ZNF705B: variants seen among roughly 807,000 people sequenced by gnomAD.
The protein encoded by ZNF705B is zinc finger protein 705B.
A neutral mutation model predicts 10.5 loss-of-function variants in ZNF705B; 1 was observed. The observed-to-expected ratio is 0.10, with a 90% CI of 0.03 to 0.45. The LOEUF is 0.45. Among genes scored for constraint, ZNF705B ranks in the 20% least tolerant of loss-of-function variants. The pLI, the probability that ZNF705B is intolerant of heterozygous loss-of-function variation, is 0.97. For missense variants in ZNF705B, 14 were observed against 84.0 expected (o/e 0.17, Z 3.26); for synonymous variants, 4 against 25.4 (o/e 0.16, Z 2.53).
At chr8:7,933,944 T>C (rs1266226286) in intron 2 of ZNF705B, among the ~76,000 whole-genome samples, 3 of 74,302 alleles carry the variant, frequency 4.0e-5, no homozygotes, top group African/African-American at 7.9e-5. Context: ...TTTTTTTTTT[T>C]TTTTTTTTTT....
intron 1 of ZNF705B, among the ~76,000 whole-genome samples, chr8:7,927,724 T>A (rs1819736506): frequency 6.8e-6 from 1 of 146,270 alleles, no homozygotes; most frequent in Non-Finnish European, 1.5e-5. Flanking sequence ...AGAGCAAAAG[T>A]TTTGAAACCA....
At chr8:7,927,044 C>T (rs2698877) in intron 1 of ZNF705B, among the ~76,000 whole-genome samples, 41,506 of 116,708 alleles carry the variant, frequency 0.36, 8,906 homozygotes, top group South Asian at 0.52. Flanking sequence ...ACTCGTGGTA[C>T]GTGATAGGTG....
Position 7,930,852 on chromosome 8 carries a change from T to TG in ZNF705B, c.-72+416_-72+417insG, listed in dbSNP as rs1563492007. On this transcript the variant is annotated intron_variant, in intron 2 of 6. Transcript: ENST00000400120. The stretch of plus-strand genomic sequence containing the variant: ...GTGTTGTGTTATTTTTTTTGTTTTT[T>TG]TTTTTGTTGTTGTTGTTGTTTTGAG... Among the ~76,000 whole-genome samples, 7 of 107,732 alleles carry TG rather than the reference T, an allele frequency of 6.5e-5. 2 individuals are homozygous for TG. Among genetic ancestry groups the TG allele is most frequent in the Non-Finnish European group, 1.4e-4 (6 of 43,638 alleles). 70.7% of individuals were successfully genotyped at this position (107,732 alleles called of 152,430 possible). A position where few individuals can be genotyped will look rare whatever the true frequency, so the allele number is the denominator to read the frequency against.
chr8:7,927,507 G>A (rs1482805565), intron 1 of ZNF705B, among the ~76,000 whole-genome samples: 1 of 120,454 alleles, frequency 8.3e-6, no homozygotes, highest in Non-Finnish European at 2.0e-5. Context: ...CTTTTTGATG[G>A]GGTTGAAACT....
In ZNF705B at chr8:7,932,240, G is replaced by C. The variant is rs1225722602; in HGVS notation, c.-72+1804G>C. ...TCTTTTTTACCTTTTCACCACACTG[G>C]AGAGCCTGTCCTGGCTTTAAGCTGA... On this transcript the variant is annotated intron_variant, in intron 2 of 6. Transcript: ENST00000400120. Among the ~76,000 whole-genome samples the C allele has an allele frequency of 8.3e-5, 10 of 121,114 alleles. 1 individual carries two copies. The highest frequency in any genetic ancestry group is 2.8e-4 in the South Asian group (1 of 3,624). The allele number at this position is 121,114 out of a possible 152,430, so 79.5% of individuals were successfully genotyped here. A position where few individuals can be genotyped will look rare whatever the true frequency, so the allele number is the denominator to read the frequency against.
chr8:7,935,406 C>A (rs1320801571), intron 2 of ZNF705B, among the ~76,000 whole-genome samples: 1 of 137,342 alleles, frequency 7.3e-6, no homozygotes, highest in Non-Finnish European at 1.6e-5. Context: ...CTCTGAGGTA[C>A]TGAGTTTGAA....
intron 1 of ZNF705B, among the ~76,000 whole-genome samples, chr8:7,926,997 A>T (rs1286410219): frequency 4.2e-5 from 5 of 118,716 alleles, no homozygotes; most frequent in African/African-American, 1.0e-4. Context: ...TATCTATCTC[A>T]TATAAAAGTT....
intron 1 of ZNF705B, among the ~76,000 whole-genome samples, 182 bp from the exon 2 acceptor site, chr8:7,930,105 C>T (rs1309681426): frequency 9.1e-6 from 1 of 110,454 alleles, no homozygotes; most frequent in African/African-American, 2.7e-5. Flanking sequence ...AACATAGTAC[C>T]AGATAGGTAG....
In ZNF705B at chr8:7,926,728, T is replaced by C. The variant is rs1323009326; in HGVS notation, c.-222+331T>C. ...CCACCATGACCCACCTGATGCAGAC[T>C]TTCCCCCTTTGTTAGGGAAGTGCAA... On this transcript the variant is annotated intron_variant, in intron 1 of 6. Coordinates refer to ENST00000400120, the MANE Select transcript of ZNF705B (RefSeq NM_001193630.1). Among the ~76,000 whole-genome samples, 3 of 113,996 alleles carry C rather than the reference T, an allele frequency of 2.6e-5. 1 individual carries two copies. Among genetic ancestry groups the C allele is most frequent in the African/African-American group, 7.9e-5 (3 of 38,024 alleles). 74.8% of individuals were successfully genotyped at this position (113,996 alleles called of 152,430 possible).
chr8:7,927,922 C>T (rs528635217), intron 1 of ZNF705B, among the ~76,000 whole-genome samples: 663 of 138,276 alleles, frequency 4.8e-3, no homozygotes, highest in Middle Eastern at 0.016. Context: ...TTAGAGAGGT[C>T]GAAAGGTATG....
Position 7,937,181 on chromosome 8 carries a change from AGAT to A in ZNF705B, c.-72+6749_-72+6751del, listed in dbSNP as rs1389480336. Reference sequence around the variant, plus strand: ...AGATTACCCAGTGATCGAGTGAAGCAGATGATAGGGACAGCACTAAGGCTTGGT... The same window carrying A: ...AGATTACCCAGTGATCGAGTGAAGCAGATAGGGACAGCACTAAGGCTTGGT... On this transcript the variant is annotated intron_variant, in intron 2 of 6. Transcript: ENST00000400120. Among the ~76,000 whole-genome samples the A allele has an allele frequency of 5.1e-5, 6 of 117,808 alleles. 1 individual carries two copies. The South Asian group carries it at 1.8e-3, about 35-fold the overall frequency. The allele number at this position is 117,808 out of a possible 152,430, so 77.3% of individuals were successfully genotyped here.
chr8:7,944,731 G>C (rs1315718808), intron 2 of ZNF705B, among the ~76,000 whole-genome samples: 2 of 89,644 alleles, frequency 2.2e-5, no homozygotes, highest in African/African-American at 7.2e-5. Context: ...AACACTTTGA[G>C]AGGCGGAGAC....
chr8:7,934,692 C>CTGTGTGTGTGTGTG (rs772466497), intron 2 of ZNF705B: 302 of 78,934 alleles, frequency 3.8e-3, no homozygotes, highest in African/African-American at 0.018. Context: ...GTGTGTGTGT[C>CTGTGTGTGTGTGTG]TGTGTGTGTG....
At chr8:7,935,851 A>T (rs1819999159) in intron 2 of ZNF705B, among the ~76,000 whole-genome samples, 1 of 91,352 alleles carries the variant, frequency 1.1e-5, no homozygotes, top group Admixed American at 1.3e-4. Context: ...ATCTGTAAGT[A>T]GTCAGCTATT....
chr8:7,936,662 C>A lies in ZNF705B; in HGVS notation c.-72+6226C>A, dbSNP rs1219642045. On this transcript the variant is annotated intron_variant, in intron 2 of 6. Transcript: ENST00000400120. ...ACATATTCTCAGTTATAAGGGGGAG[C>A]CGAGCAATGAGTGCACATGGACATA... Among the ~76,000 whole-genome samples the A allele has an allele frequency of 1.7e-5, 2 of 118,160 alleles. 1 individual carries two copies. The allele number at this position is 118,160 out of a possible 152,430, so 77.5% of individuals were successfully genotyped here.
intron 2 of ZNF705B, among the ~76,000 whole-genome samples, chr8:7,937,708 G>T (rs1218678010): frequency 1.9e-5 from 2 of 107,454 alleles, no homozygotes; most frequent in Non-Finnish European, 4.4e-5. Context: ...CCCCGATGTT[G>T]TGTGCTACCG....
intron 2 of ZNF705B, among the ~76,000 whole-genome samples, chr8:7,936,997 C>T (rs1820033588): frequency 8.3e-6 from 1 of 120,366 alleles, no homozygotes; most frequent in African/African-American, 2.5e-5. Context: ...TTGTTCTTTG[C>T]TTGTAAACCT....
intron 2 of ZNF705B, among the ~76,000 whole-genome samples, chr8:7,931,979 C>T (rs562460783): frequency 8.2e-6 from 1 of 121,262 alleles, no homozygotes; most frequent in South Asian, 2.7e-4. Flanking sequence ...GCTGTTGGGC[C>T]CCAGGGCAGG....
At chr8:7,932,126 A>G (rs2128942100) in intron 2 of ZNF705B, among the ~76,000 whole-genome samples, 1 of 121,000 alleles carries the variant, frequency 8.3e-6, no homozygotes, top group East Asian at 2.4e-4. Flanking sequence ...GCAGCTCCCT[A>G]TAGTAGTCTC....
Sources: gnomAD v4.1 joint callset for allele counts (sites outside exome capture counted in the v4.1 genomes callset) on GRCh38, gnomAD v4.1.1 for gene constraint, MANE v1.5 for transcripts, NCBI Gene and HGNC (gene_info 2026-07-23, HGNC 2026-07-21) for gene names.